TTC8: variants seen among roughly 807,000 people sequenced by gnomAD.
TTC8 encodes tetratricopeptide repeat domain 8, also known as tetratricopeptide repeat protein 8.
Under a neutral mutation model 72.5 loss-of-function variants are expected in TTC8, and 47 were observed. The observed-to-expected ratio is 0.65, with a 90% CI of 0.51 to 0.83. TTC8 has a LOEUF of 0.83. Among genes scored for constraint, TTC8 ranks in the 40% least tolerant of loss-of-function variants. The pLI is 0.00. For synonymous variants in TTC8, 199 were observed against 221.4 expected (o/e 0.90, Z 0.90); for missense variants, 611 against 623.2 (o/e 0.98, Z 0.21).
chr14:88,833,248 A>AG (rs2094734683), intron 1 of TTC8, among the ~76,000 whole-genome samples: 1 of 152,186 alleles, frequency 6.6e-6, no homozygotes, highest in South Asian at 2.1e-4. Flanking sequence ...TAATTTGTAC[A>AG]GAAAAACCCA....
intron 1 of TTC8, among the ~76,000 whole-genome samples, chr14:88,829,094 A>G (rs1200575842): frequency 6.6e-6 from 1 of 152,198 alleles, no homozygotes; most frequent in Non-Finnish European, 1.5e-5. Context: ...TGCTTTTTCT[A>G]GACACAGAAT....
Position 88,862,596 on chromosome 14 carries a change from A to T in TTC8, c.909+1264A>T, listed in dbSNP as rs1044091331. Among the ~76,000 whole-genome samples, 246 of 84,312 alleles carry T rather than the reference A, an allele frequency of 2.9e-3. 7 individuals are homozygous for T. The highest frequency in any genetic ancestry group is 0.011 in the African/African-American group (235 of 21,528). The allele number at this position is 84,312 out of a possible 152,430, so 55.3% of individuals were successfully genotyped here. On this transcript the variant is annotated intron_variant, in intron 10 of 14. Transcript: ENST00000380656. Reference sequence around the variant, plus strand: ...TATATATATATATATATATATATATATTTAGAGATGGGTTCTCACTCTGTT... The same window carrying T: ...TATATATATATATATATATATATATTTTTAGAGATGGGTTCTCACTCTGTT...
chr14:88,872,767 G>A (rs1222782811), intron 13 of TTC8, among the ~76,000 whole-genome samples: 1 of 152,092 alleles, frequency 6.6e-6, no homozygotes, highest in Non-Finnish European at 1.5e-5. Flanking sequence ...AATCCTTGGA[G>A]CCACCCCGAA....
At chr14:88,852,075 C>CTT (rs1312648763) in intron 7 of TTC8, among the ~76,000 whole-genome samples, 1 of 152,144 alleles carries the variant, frequency 6.6e-6, no homozygotes, top group Non-Finnish European at 1.5e-5. Context: ...GAATAAAAAA[C>CTT]TTTCAGCCTT....
downstream of TTC8, chr14:88,879,073 G>A (rs924261297): frequency 6.6e-6 from 1 of 151,852 alleles, no homozygotes; most frequent in African/African-American, 2.4e-5. Context: ...GAATAATAAG[G>A]GAATATTAAC....
chr14:88,869,182 T>G (rs1002351114), intron 10 of TTC8, among the ~76,000 whole-genome samples: 13 of 152,208 alleles, frequency 8.5e-5, no homozygotes, highest in Non-Finnish European at 1.3e-4. Flanking sequence ...GAAATCTTCA[T>G]GAAGGATGTG....
At chr14:88,855,305 G>A (rs895644177) in intron 8 of TTC8, among the ~76,000 whole-genome samples, 9 of 152,090 alleles carry the variant, frequency 5.9e-5, no homozygotes, top group Admixed American at 5.2e-4. Flanking sequence ...TTACCATCAC[G>A]AAATAAGCAC....
intron 9 of TTC8, among the ~76,000 whole-genome samples, chr14:88,859,858 ATATATAATATAAATATATTATATAT>A (rs1170390806): frequency 7.8e-6 from 1 of 127,752 alleles, no homozygotes; most frequent in Non-Finnish European, 1.7e-5. Flanking sequence ...ATATATAATC[ATATATAATATAAATATATTATATAT>A]TATATAATAT....
chr14:88,874,338 T>A (rs1392201813), intron 13 of TTC8, among the ~76,000 whole-genome samples: 1 of 152,162 alleles, frequency 6.6e-6, no homozygotes, highest in Non-Finnish European at 1.5e-5. Flanking sequence ...TGAGGGGTTG[T>A]TAGCAGTTTG....
Position 88,833,733 on chromosome 14 carries a change from G to A in TTC8, c.144+11G>A. ...TTGCCAGTGCATCAGGTAAAGAAAG[G>A]TTTAGCTGCAACCTTTAGTTTAGAG... On this transcript the variant is annotated intron_variant, in intron 2 of 14. Transcript: ENST00000380656. 5 of 1,612,760 alleles carry A rather than the reference G, an allele frequency of 3.1e-6. No homozygotes were observed. Among genetic ancestry groups the A allele is most frequent in the Non-Finnish European group, 3.4e-6 (4 of 1,178,962 alleles).
At chr14:88,856,000 C>T (rs954152605) in intron 8 of TTC8, among the ~76,000 whole-genome samples, 1 of 152,226 alleles carries the variant, frequency 6.6e-6, no homozygotes, top group Non-Finnish European at 1.5e-5. Flanking sequence ...CAGAGGATTG[C>T]TTGAGCCCCA....
In TTC8 at chr14:88,871,838, G is replaced by A; in HGVS notation, c.1224+115G>A. ...AGGCTGAAGCAGGAGGATTGCTTGA[G>A]CCCAGGAGTTTGAGACCACCCTGGG... On this transcript the variant is annotated intron_variant, in intron 12 of 14. Transcript: ENST00000380656. The surrounding 1 kb of genome is among the most constrained non-coding windows in gnomAD (Gnocchi z 4.1). The A allele has an allele frequency of 7.9e-7, 1 of 1,265,576 alleles. No individual in the cohort carries two copies. The highest frequency in any genetic ancestry group is 1.1e-6 in the Non-Finnish European group (1 of 878,070). 78.4% of individuals were successfully genotyped at this position (1,265,576 alleles called of 1,614,324 possible). A position where few individuals can be genotyped will look rare whatever the true frequency, so the allele number is the denominator to read the frequency against.
chr14:88,866,768 A>G (rs149837604), intron 10 of TTC8, among the ~76,000 whole-genome samples: 1 of 152,168 alleles, frequency 6.6e-6, no homozygotes, highest in Non-Finnish European at 1.5e-5. Context: ...AATAGAACAC[A>G]GTCAGTGCCC....
At position 88,871,958 on chromosome 14, in the gene TTC8, A is replaced by AG. The variant is rs1270072773; in HGVS notation, c.1224+237dup. ...TCCCAGCTACTCTGAGGGCTGAGGC[A>AG]GGAAGATCACTTGGGCCTAGAAGGT... On this transcript the variant is annotated intron_variant, in intron 12 of 14. Transcript: ENST00000380656. The surrounding 1 kb of genome is among the most constrained non-coding windows in gnomAD (Gnocchi z 4.1). Among the ~76,000 whole-genome samples, 1 of 152,194 alleles carries AG rather than the reference A, an allele frequency of 6.6e-6. No individual in the cohort carries two copies. The highest frequency in any genetic ancestry group is 2.4e-5 in the African/African-American group (1 of 41,448).
At chr14:88,831,116 G>C in intron 1 of TTC8, 1 of 232,528 alleles carries the variant, frequency 4.3e-6, no homozygotes, top group South Asian at 4.7e-5. Context: ...TTAAAGTGAA[G>C]AAACCAGCAG....
At chr14:88,840,018 C>T (rs942757110) in intron 3 of TTC8, 1 of 171,760 alleles carries the variant, frequency 5.8e-6, no homozygotes, top group Non-Finnish European at 1.3e-5. Flanking sequence ...GAAAACATCA[C>T]TTTATTCTTA....
chr14:88,858,169 C>T (rs1041764997), intron 9 of TTC8, among the ~76,000 whole-genome samples: 1 of 152,092 alleles, frequency 6.6e-6, no homozygotes, highest in Admixed American at 6.6e-5. Context: ...ACCATGTTGG[C>T]CAGGCTGGTC....
At chr14:88,848,610 G>A (rs1294514810) in intron 7 of TTC8, among the ~76,000 whole-genome samples, 1 of 152,078 alleles carries the variant, frequency 6.6e-6, no homozygotes, top group East Asian at 1.9e-4. Context: ...TAGCATGATG[G>A]AATCTTATGT....
In TTC8 at chr14:88,875,080, C is replaced by T. The variant is rs148602884; in HGVS notation, c.1402C>T (p.His468Tyr). The T allele has an allele frequency of 7.4e-6, 12 of 1,612,652 alleles. No homozygotes were observed. The highest frequency in any genetic ancestry group is 1.3e-5 in the African/African-American group (1 of 74,886). Residue 468 changes from histidine (H) to tyrosine (Y), a missense_variant, in exon 14 of 15, where the codon CAT (histidine) becomes TAT (tyrosine). His to Tyr is a moderately conservative substitution (Grantham distance 83). Transcript: ENST00000380656. ...SSLAPHMYEP[H>Y]FNFATISDKI... ...ATTAGCACCCCATATGTATGAACCG[C>T]ATTTTAATTTTGCAACAATCTCTGA...
Sources: allele counts gnomAD v4.1 joint callset (sites outside exome capture counted in the v4.1 genomes callset), GRCh38; gene constraint gnomAD v4.1.1; non-coding constraint Gnocchi (gnomAD v3.1); transcripts MANE v1.5; gene names NCBI Gene and HGNC (gene_info 2026-07-23, HGNC 2026-07-21).